The following MSH4 variants were observed in gnomAD, a reference collection of about 807,000 sequenced individuals.
MSH4 encodes mutS homolog 4.
A neutral mutation model predicts 113.7 loss-of-function variants in MSH4; 106 were observed. The ratio of observed to expected loss-of-function variants is 0.93; its 90% CI spans 0.80 to 1.10. The LOEUF (loss-of-function observed/expected upper bound fraction) is 1.10, where lower values mean the gene tolerates loss of function less well. MSH4 is among the 50% of genes least tolerant of loss of function. The pLI is 0.00. For missense variants in MSH4, 1,061 were observed against 1,093.7 expected (o/e 0.97, Z 0.42); for synonymous variants, 368 against 380.2 (o/e 0.97, Z 0.37).
chr1:75,817,853 T>C (rs777234855), intron 6 of MSH4, among the ~76,000 whole-genome samples: 5 of 151,888 alleles, frequency 3.3e-5, no homozygotes, highest in Non-Finnish European at 7.4e-5. Context: ...CCAGTTGATA[T>C]GAGTAGTTCC....
At chr1:75,862,275 C>T (rs1345294725) in intron 8 of MSH4, among the ~76,000 whole-genome samples, 1 of 152,174 alleles carries the variant, frequency 6.6e-6, no homozygotes, top group East Asian at 1.9e-4. Context: ...TTCGGCTCAC[C>T]CTCCGTGGGC....
chr1:75,906,859 A>G (rs536678893), intron 19 of MSH4, among the ~76,000 whole-genome samples: 1 of 138,242 alleles, frequency 7.2e-6, no homozygotes, highest in African/African-American at 2.7e-5. Flanking sequence ...TTTGAGATTG[A>G]GTCTCACTCT....
At chr1:75,879,321 G>T (rs1422500094) in intron 12 of MSH4, among the ~76,000 whole-genome samples, 193 bp downstream of exon 12, 2 of 152,094 alleles carry the variant, frequency 1.3e-5, no homozygotes, top group African/African-American at 4.8e-5. Flanking sequence ...ACCAAACTCA[G>T]TGTTTTCCAC....
intron 15 of MSH4, among the ~76,000 whole-genome samples, chr1:75,886,703 A>C (rs7528756): frequency 0.14 from 17,025 of 117,944 alleles, 1,765 homozygotes; most frequent in African/African-American, 0.28. Flanking sequence ...TAATATATAA[A>C]TATATTATAT....
At chr1:75,905,654 C>A (rs541114372) in intron 19 of MSH4, among the ~76,000 whole-genome samples, 4 of 152,208 alleles carry the variant, frequency 2.6e-5, no homozygotes, top group African/African-American at 9.6e-5. Context: ...ATGTTGAAGA[C>A]CCCTACTAGT....
At chr1:75,801,031 G>A (rs960391932) in intron 1 of MSH4, among the ~76,000 whole-genome samples, 1 of 152,176 alleles carries the variant, frequency 6.6e-6, no homozygotes, top group African/African-American at 2.4e-5. Flanking sequence ...ATAGAGCTGA[G>A]AACGGTTTTT....
rs1268435351 is a variant in MSH4, at chr1:75,810,770, CCA to C, written c.664_665del (p.Thr222GlnfsTer14). ...AATACTGCTTGTGCTGTGGGGAATT[CCA>C]CCAAGTTGTTCACTCTGATCACAGA... On this transcript the variant is annotated frameshift_variant, in exon 4 of 20. Transcript: ENST00000263187. LOFTEE classifies it high-confidence loss of function. 6.3e-7 allele frequency: 1 copy of C among 1,590,430 alleles called. No individual in the cohort carries two copies. The highest frequency in any genetic ancestry group is 8.5e-7 in the Non-Finnish European group (1 of 1,170,344).
At chr1:75,833,491 C>G (rs1055044257) in intron 7 of MSH4, among the ~76,000 whole-genome samples, 4 of 151,782 alleles carry the variant, frequency 2.6e-5, no homozygotes, top group African/African-American at 9.7e-5. Context: ...AATCCTAAAC[C>G]AAAAGAACAA....
chr1:75,827,900 T>C (rs1035317663), intron 7 of MSH4, among the ~76,000 whole-genome samples: 1 of 152,120 alleles, frequency 6.6e-6, no homozygotes, highest in African/African-American at 2.4e-5. Flanking sequence ...CCCCACACAA[T>C]AATAGTGGGA....
chr1:75,855,083 GC>G (rs1200626912), intron 8 of MSH4, among the ~76,000 whole-genome samples: 1 of 151,486 alleles, frequency 6.6e-6, no homozygotes, highest in African/African-American at 2.4e-5. Context: ...TGTTATCTAA[GC>G]TGGAGTGCAG....
At chr1:75,892,402 C>T (rs1012187696) in intron 17 of MSH4, among the ~76,000 whole-genome samples, 1 of 152,046 alleles carries the variant, frequency 6.6e-6, no homozygotes, top group African/African-American at 2.4e-5. Context: ...CTCTTTCTCT[C>T]TCTCACTCTC....
intron 17 of MSH4, 66 bp downstream of exon 17, chr1:75,890,890 AT>A: frequency 7.7e-7 from 1 of 1,292,708 alleles, no homozygotes; most frequent in Admixed American, 2.4e-5. Flanking sequence ...TTATTATTGA[AT>A]TTTATGGACA....
chr1:75,817,154 C>A (rs1394671518), intron 6 of MSH4, among the ~76,000 whole-genome samples: 2 of 152,020 alleles, frequency 1.3e-5, no homozygotes, highest in Admixed American at 1.3e-4. Context: ...AGATGTTTCA[C>A]CAAAATCAAG....
intron 8 of MSH4, among the ~76,000 whole-genome samples, chr1:75,855,287 C>G (rs1651292069): frequency 6.6e-6 from 1 of 152,144 alleles, no homozygotes; most frequent in Admixed American, 6.5e-5. Context: ...ATCCTCCTAT[C>G]TTGGCCTCCT....
chr1:75,825,460 T>C lies in MSH4; in HGVS notation c.1162+2879T>C, dbSNP rs1650526049. 2.6e-5 allele frequency among the ~76,000 whole-genome samples: 4 copies of C among 152,288 alleles called. No individual in the cohort carries two copies. The South Asian group carries it at 6.2e-4, about 24-fold the overall frequency. ...CCTATATGAATACCCTTTATTTCTTTCTCTTGCCTGATTGCCCTGGCCAGA... is the reference window on the plus strand; with the variant it reads ...CCTATATGAATACCCTTTATTTCTTCCTCTTGCCTGATTGCCCTGGCCAGA... On this transcript the variant is annotated intron_variant, in intron 7 of 19. Transcript: ENST00000263187.
At chr1:75,854,923 A>C (rs1651282296) in intron 8 of MSH4, among the ~76,000 whole-genome samples, 1 of 152,238 alleles carries the variant, frequency 6.6e-6, no homozygotes, top group African/African-American at 2.4e-5. Flanking sequence ...AAATATCTTA[A>C]ATACTTAACA....
intron 8 of MSH4, among the ~76,000 whole-genome samples, chr1:75,865,878 G>A (rs2100559954): frequency 6.6e-6 from 1 of 152,008 alleles, no homozygotes; most frequent in East Asian, 1.9e-4. Context: ...TGTAGGTTGA[G>A]GGAAGGGCCA....
At chr1:75,888,870 A>ACTT in intron 15 of MSH4, among the ~76,000 whole-genome samples, 1 of 150,062 alleles carries the variant, frequency 6.7e-6, no homozygotes, top group South Asian at 2.1e-4. Context: ...CTTCTGGATA[A>ACTT]CTTTGTACAG....
intron 6 of MSH4, among the ~76,000 whole-genome samples, chr1:75,821,019 A>T (rs1241917565): frequency 6.6e-6 from 1 of 152,018 alleles, no homozygotes; most frequent in East Asian, 1.9e-4. Flanking sequence ...TAACAAGGAT[A>T]TCCAGGAACT....
Sources: gnomAD v4.1 joint callset for allele counts (sites outside exome capture counted in the v4.1 genomes callset) on GRCh38, gnomAD v4.1.1 for gene constraint, MANE v1.5 for transcripts, NCBI Gene and HGNC (gene_info 2026-07-23, HGNC 2026-07-21) for gene names.